DTX4: variants seen among roughly 807,000 people sequenced by gnomAD.
DTX4 encodes deltex E3 ubiquitin ligase 4.
In DTX4, 28 loss-of-function variants were observed where a neutral mutation model predicts 57.6. The observed-to-expected ratio is 0.49, with a 90% CI of 0.36 to 0.67. The LOEUF (loss-of-function observed/expected upper bound fraction) is 0.67, where lower values mean the gene tolerates loss of function less well. Ranked by LOEUF, DTX4 falls within the 30% of genes least tolerant of loss-of-function variation. DTX4 has a pLI of 0.00. For missense variants in DTX4, 715 were observed against 836.8 expected (o/e 0.85, Z 1.80); for synonymous variants, 316 against 331.0 (o/e 0.95, Z 0.49).
chr11:59,172,078 G>T (rs1441406226), upstream of DTX4, among the ~76,000 whole-genome samples: 6 of 151,030 alleles, frequency 4.0e-5, no homozygotes, highest in Non-Finnish European at 5.9e-5. Context: ...ACTGCAATTC[G>T]TGCGGCGAAG....
At chr11:59,183,283 G>A (rs771429984) in intron 2 of DTX4, among the ~76,000 whole-genome samples, 2 of 152,160 alleles carry the variant, frequency 1.3e-5, no homozygotes, top group Non-Finnish European at 2.9e-5. Context: ...AAGCCAGAGA[G>A]GTGACTCCAA....
intron 1 of DTX4, among the ~76,000 whole-genome samples, chr11:59,175,460 C>T (rs1388645834): frequency 1.3e-5 from 2 of 152,148 alleles, no homozygotes; most frequent in Non-Finnish European, 1.5e-5. Context: ...CCCAGACACC[C>T]GTCTGCCCGC....
chr11:59,188,965 A>G (rs1862562240), intron 3 of DTX4, among the ~76,000 whole-genome samples, 169 bp downstream of exon 3: 1 of 152,274 alleles, frequency 6.6e-6, no homozygotes, highest in African/African-American at 2.4e-5. Flanking sequence ...AGAACTGATT[A>G]CTAAAAGGAA....
chr11:59,192,043 C>T, intron 5 of DTX4, 55 bp from the exon 6 acceptor site: 1 of 1,582,652 alleles, frequency 6.3e-7, no homozygotes, highest in Non-Finnish European at 8.6e-7. Flanking sequence ...ATGTGGAAAT[C>T]TCCCAGGCTG....
chr11:59,189,148 C>A lies in DTX4; in HGVS notation c.998-14C>A. 6.2e-7 allele frequency: 1 copy of A among 1,612,692 alleles called. No homozygotes were observed. The highest frequency in any genetic ancestry group is 1.9e-4 in the Middle Eastern group (1 of 5,212). On this transcript the variant is annotated splice_polypyrimidine_tract_variant and intron_variant, in intron 3 of 8. Coordinates refer to ENST00000227451, the MANE Select transcript of DTX4 (RefSeq NM_015177.2). ...GTCTCCAGTCTTTCCTCACCCATGC[C>A]CTGCCCCTTCCAGGAATCACTGGGA...
chr11:59,179,543 G>A (rs1267508254), intron 1 of DTX4, among the ~76,000 whole-genome samples: 1 of 152,174 alleles, frequency 6.6e-6, no homozygotes, highest in Non-Finnish European at 1.5e-5. Context: ...CAGCCACATT[G>A]CAGGGACTTT....
chr11:59,182,045 C>T lies in DTX4; in HGVS notation c.518C>T (p.Ser173Phe), dbSNP rs368805854. 4.6e-5 allele frequency: 75 copies of T among 1,612,906 alleles called. No individual in the cohort carries two copies. Among genetic ancestry groups the T allele is most frequent in the Non-Finnish European group, 6.3e-5 (74 of 1,179,318 alleles). The change falls in exon 2 of 9, where the codon TCC becomes TTC. Residue 173 changes from serine (S) to phenylalanine (F), a missense_variant. Ser to Phe is a radical substitution (Grantham distance 155). Coordinates refer to ENST00000227451, the MANE Select transcript of DTX4 (RefSeq NM_015177.2). ...ACAGGGACCTTGCCTAAGGCTCAGT[C>T]CTGGCCAGTCAGCCCTGGGCCAGCC... The part of the protein sequence containing the change: ...MVTGTLPKAQ[S>F]WPVSPGPATS...
intron 3 of DTX4, 138 bp downstream of exon 3, chr11:59,188,934 A>G (rs1292687484): frequency 2.1e-6 from 2 of 968,674 alleles, no homozygotes; most frequent in East Asian, 5.3e-5. Flanking sequence ...TTGCATGGGA[A>G]GGGTATGAAG....
chr11:59,189,184 T>G lies in DTX4; in HGVS notation c.1020T>G (p.Ser340Arg). Residue 340 changes from serine to arginine, a missense_variant, in exon 4 of 9, where the codon AGT becomes AGG. Transcript: ENST00000227451. Reference sequence around the variant, plus strand: ...CAGGAATCACTGGGATCCTCATGAGTGCAGCGGGGCTGCCTGTGTGTCTCA... The same window carrying G: ...CAGGAATCACTGGGATCCTCATGAGGGCAGCGGGGCTGCCTGTGTGTCTCA... The part of the protein sequence containing the change: ...ALAGITGILM[S>R]AAGLPVCLTR... 1 of 1,613,646 alleles carries G rather than the reference T, an allele frequency of 6.2e-7. No individual in the cohort carries two copies.
intron 1 of DTX4, among the ~76,000 whole-genome samples, chr11:59,173,706 C>G (rs962226714): frequency 6.6e-6 from 1 of 152,096 alleles, no homozygotes; most frequent in African/African-American, 2.4e-5. Context: ...GTAGCCAGCA[C>G]AAACCCGCTT....
chr11:59,183,351 C>T (rs1463869234), intron 2 of DTX4, among the ~76,000 whole-genome samples: 1 of 152,206 alleles, frequency 6.6e-6, no homozygotes, highest in African/African-American at 2.4e-5. Context: ...ACTTTCCATA[C>T]ATTGTCTCAG....
intron 8 of DTX4, 91 bp from the exon 9 acceptor site, chr11:59,204,585 G>T: frequency 8.3e-7 from 1 of 1,197,988 alleles, no homozygotes; most frequent in South Asian, 1.4e-5. Flanking sequence ...AGGAAGGGAT[G>T]GGGCCCTTGG....
chr11:59,204,242 C>G (rs1862775137), intron 8 of DTX4, among the ~76,000 whole-genome samples: 1 of 152,156 alleles, frequency 6.6e-6, no homozygotes, highest in South Asian at 2.1e-4. Context: ...AAGGGCAGAA[C>G]TTCAGAAGTT....
chr11:59,190,981 T>C, intron 4 of DTX4, 133 bp from the exon 5 acceptor site: 1 of 739,082 alleles, frequency 1.4e-6, no homozygotes, highest in South Asian at 1.9e-5. Context: ...TTAACTTAAA[T>C]TGCAGAAGGA....
chr11:59,194,375 T>C (rs1216541189), intron 6 of DTX4, among the ~76,000 whole-genome samples: 1 of 152,254 alleles, frequency 6.6e-6, no homozygotes, highest in Admixed American at 6.5e-5. Context: ...TCTATCCTTC[T>C]AAGCAAATTC....
intron 4 of DTX4, among the ~76,000 whole-genome samples, chr11:59,189,937 G>C (rs1327462183): frequency 6.6e-6 from 1 of 152,188 alleles, no homozygotes; most frequent in Non-Finnish European, 1.5e-5. Context: ...TCTGTGGCTT[G>C]TCTTTCTGGT....
At position 59,203,384 on chromosome 11, in the gene DTX4, CT is replaced by C. The variant is rs35395150; in HGVS notation, c.1627-1279del. 2.0e-3 allele frequency among the ~76,000 whole-genome samples: 286 copies of C among 144,516 alleles called. 1 individual carries two copies. The highest frequency in any genetic ancestry group is 3.6e-3 in the Middle Eastern group (1 of 278). The allele number at this position is 144,516 out of a possible 152,430, so 94.8% of individuals were successfully genotyped here. ...CTATAAGCTTGTTTATTTTTAAAAA[CT>C]TTTTTTTTTTTTACTTCTGAAACTT... is the stretch of plus-strand genomic sequence containing the variant. On this transcript the variant is annotated intron_variant, in intron 8 of 8. Transcript: ENST00000227451.
chr11:59,189,982 T>C (rs867263377), intron 4 of DTX4, among the ~76,000 whole-genome samples: 10 of 152,362 alleles, frequency 6.6e-5, no homozygotes, highest in Middle Eastern at 6.8e-3. Flanking sequence ...ACCATCTCCC[T>C]AAGCCCCAAT....
chr11:59,174,819 C>T (rs985571568), intron 1 of DTX4, among the ~76,000 whole-genome samples: 2 of 152,188 alleles, frequency 1.3e-5, no homozygotes, highest in Non-Finnish European at 2.9e-5. Context: ...CTTTAAACCT[C>T]AGGCAGAGAA....
Sources: allele counts gnomAD v4.1 joint callset (sites outside exome capture counted in the v4.1 genomes callset), GRCh38; gene constraint gnomAD v4.1.1; transcripts MANE v1.5; gene names NCBI Gene and HGNC (gene_info 2026-07-23, HGNC 2026-07-21).